The following CYBA variants were observed in gnomAD, a reference collection of about 807,000 sequenced individuals.
CYBA encodes the protein cytochrome b-245 light chain.
CYBA carries 21 observed loss-of-function variants against 20.8 expected under a neutral mutation model. The observed-to-expected ratio is 1.01, with a 90% CI of 0.72 to 1.46. The LOEUF (loss-of-function observed/expected upper bound fraction) is 1.46, where lower values mean the gene tolerates loss of function less well. Among genes scored for constraint, CYBA ranks in the 40% most tolerant of loss-of-function variants. CYBA has a pLI of 0.00. For missense variants in CYBA, 344 were observed against 287.0 expected (o/e 1.20, Z -1.43); for synonymous variants, 164 against 127.5 (o/e 1.29, Z -1.93).
At position 88,643,356 on chromosome 16, in the gene CYBA, C is replaced by T; in HGVS notation, c.585G>A (p.Val195=). The stretch of plus-strand genomic sequence containing the variant: ...GGAGGGCAGGTCCGGGGCGAGGTCA[C>T]ACGACCTCGTCGGTCACCGGGATGG... ...VNPIPVTDEV[V] The change falls in exon 6 of 6, where the codon GTG becomes GTA. Residue 195 remains valine, a synonymous_variant. Transcript: ENST00000261623. The surrounding 1 kb of genome is among the most constrained non-coding windows in gnomAD (Gnocchi z 4.3). The T allele has an allele frequency of 6.6e-7, 1 of 1,522,746 alleles. No individual in the cohort carries two copies. Among genetic ancestry groups the T allele is most frequent in the Non-Finnish European group, 8.8e-7 (1 of 1,137,504 alleles). 94.3% of individuals were successfully genotyped at this position (1,522,746 alleles called of 1,614,324 possible).
chr16:88,643,721 G>T lies in CYBA; in HGVS notation c.370-150C>A. 1.3e-6 allele frequency: 1 copy of T among 768,802 alleles called. No individual in the cohort carries two copies. Among genetic ancestry groups the T allele is most frequent in the Non-Finnish European group, 2.1e-6 (1 of 471,780 alleles). The allele number at this position is 768,802 out of a possible 1,614,324, so 47.6% of individuals were successfully genotyped here. A position where few individuals can be genotyped will look rare whatever the true frequency, so the allele number is the denominator to read the frequency against. On this transcript the variant is annotated intron_variant, in intron 5 of 5. Coordinates refer to ENST00000261623, the MANE Select transcript of CYBA (RefSeq NM_000101.4). This position sits in a 1 kb window ranked among gnomAD's most constrained non-coding sequence, Gnocchi z 4.3. ...TGTGACTGCCACTCAGAGAGGTTAA[G>T]TGACGCGCCCGAGGCCACACAGCCA...
rs765297587 is a variant in CYBA, at chr16:88,643,530, C to T, written c.411G>A (p.Lys137=). 2.6e-6 allele frequency: 4 copies of T among 1,535,272 alleles called. No individual in the cohort carries two copies. The highest frequency in any genetic ancestry group is 3.5e-6 in the Non-Finnish European group (4 of 1,146,862). ...CTCCGATCTGCGGCCGCTCCCGGGG[C>T]TTGGGCTCGATGGGCGTCCACTGCT... ...RGEQWTPIEP[K]PRERPQIGGT... The change falls in exon 6 of 6, where the codon AAG becomes AAA. Residue 137 remains lysine (K), a synonymous_variant. Transcript: ENST00000261623. This position sits in a 1 kb window ranked among gnomAD's most constrained non-coding sequence, Gnocchi z 4.3.
chr16:88,650,533 A>C, intron 1 of CYBA: 2 of 479,142 alleles, frequency 4.2e-6, no homozygotes, highest in East Asian at 6.2e-5. Context: ...AAGCCCAGGG[A>C]GAGCGACCTC....
At position 88,643,603 on chromosome 16, in the gene CYBA, C is replaced by T. The variant is rs1180044157; in HGVS notation, c.370-32G>A. On this transcript the variant is annotated intron_variant, in intron 5 of 5. Transcript: ENST00000261623. This position sits in a 1 kb window ranked among gnomAD's most constrained non-coding sequence, Gnocchi z 4.3. ...GGCACTGAAGGGTTGAGCCGCGCCC[C>T]AGCGCCCGCCCTCCCTCCCTCCCTC... The T allele has an allele frequency of 3.9e-5, 59 of 1,522,204 alleles. No individual in the cohort carries two copies. The highest frequency in any genetic ancestry group is 4.6e-4 in the Middle Eastern group (2 of 4,358). The allele number at this position is 1,522,204 out of a possible 1,614,324, so 94.3% of individuals were successfully genotyped here. A position where few individuals can be genotyped will look rare whatever the true frequency, so the allele number is the denominator to read the frequency against.
intron 1 of CYBA, among the ~76,000 whole-genome samples, chr16:88,648,742 T>C (rs1207726255): frequency 1.4e-4 from 19 of 139,124 alleles, no homozygotes; most frequent in East Asian, 7.1e-4. Flanking sequence ...CTCAGCCTCC[T>C]GAGTAGCTGG....
chr16:88,646,996 T>G, intron 3 of CYBA, 105 bp downstream of exon 3: 1 of 1,243,894 alleles, frequency 8.0e-7, no homozygotes, highest in South Asian at 1.2e-5. Context: ...CACCAAAGGG[T>G]TGGTTCCGGA....
At position 88,650,959 on chromosome 16, in the gene CYBA, G is replaced by T. The variant is rs1174051310; in HGVS notation, c.55C>A (p.Leu19Met). 6.3e-7 allele frequency: 1 copy of T among 1,592,420 alleles called. No homozygotes were observed. Among genetic ancestry groups the T allele is most frequent in the Admixed American group, 1.7e-5 (1 of 57,746 alleles). The part of the protein sequence containing the change: ...WANEQALASG[L>M]ILITGGIVAT... Reference sequence around the variant, plus strand: ...ACCGTCCCTGACGTGCACTCACTCAGGCCGGACGCCAGCGCCTGTTCGTTG... The same window carrying T: ...ACCGTCCCTGACGTGCACTCACTCATGCCGGACGCCAGCGCCTGTTCGTTG... Residue 19 changes from leucine to methionine, a missense_variant, in exon 1 of 6, where the codon CTG (leucine) becomes ATG (methionine). Physicochemically the swap from Leu to Met is conservative, Grantham distance 15. Transcript: ENST00000261623.
At position 88,643,527 on chromosome 16, in the gene CYBA, G is replaced by T. The variant is rs2142869927; in HGVS notation, c.414C>A (p.Pro138=). 1.3e-6 allele frequency: 2 copies of T among 1,535,180 alleles called. No homozygotes were observed. Among genetic ancestry groups the T allele is most frequent in the East Asian group, 4.9e-5 (2 of 40,958 alleles). ...GEQWTPIEPK[P]RERPQIGGTI... ...TGCCTCCGATCTGCGGCCGCTCCCG[G>T]GGCTTGGGCTCGATGGGCGTCCACT... The change falls in exon 6 of 6, where the codon CCC becomes CCA. Residue 138 remains proline, a synonymous_variant. Transcript: ENST00000261623. The surrounding 1 kb of genome is among the most constrained non-coding windows in gnomAD (Gnocchi z 4.3).
At chr16:88,647,482 G>C (rs1907332978) in intron 2 of CYBA, among the ~76,000 whole-genome samples, 1 of 152,232 alleles carries the variant, frequency 6.6e-6, no homozygotes, top group Non-Finnish European at 1.5e-5. Context: ...GCTGCCATGA[G>C]TCACAGCTGC....
intron 5 of CYBA, chr16:88,645,014 G>A (rs903455747): frequency 1.6e-6 from 1 of 619,522 alleles, no homozygotes. Context: ...CTAGTGCATG[G>A]TGGGAGAGAT....
intron 5 of CYBA, chr16:88,645,789 G>A (rs1444985352): frequency 1.5e-5 from 8 of 540,050 alleles, no homozygotes; most frequent in Admixed American, 9.6e-5. Flanking sequence ...GTCTTCGGCC[G>A]GCTGCGTGAC....
Position 88,650,857 on chromosome 16 carries a change from C to A in CYBA, c.58+99G>T, listed in dbSNP as rs377621096. 2.4e-5 allele frequency: 32 copies of A among 1,335,008 alleles called. 1 individual carries two copies. In the East Asian group the frequency reaches 7.3e-4, roughly 30 times the overall value. The allele number at this position is 1,335,008 out of a possible 1,614,324, so 82.7% of individuals were successfully genotyped here. A position where few individuals can be genotyped will look rare whatever the true frequency, so the allele number is the denominator to read the frequency against. ...CCCCGGCCCGGCCTGGCCCGCCTGG[C>A]GCCCCACTTCCCCACCCTGTAAGTA... On this transcript the variant is annotated intron_variant, in intron 1 of 5. Transcript: ENST00000261623.
rs750384376 is a variant in CYBA at position 88,651,046 on chromosome 16, C to A, written c.-33G>T. On this transcript the variant is annotated 5_prime_UTR_variant, in exon 1 of 6. Transcript: ENST00000261623. ...CGAACCCGGCTGGGACACTGCTAGGCGCGCACTGCCGCCCCTGCGCTCCCG... is the reference window on the plus strand; with the variant it reads ...CGAACCCGGCTGGGACACTGCTAGGAGCGCACTGCCGCCCCTGCGCTCCCG... The A allele has an allele frequency of 3.8e-6, 6 of 1,566,284 alleles. No individual in the cohort carries two copies. The highest frequency in any genetic ancestry group is 4.3e-6 in the Non-Finnish European group (5 of 1,159,526).
In CYBA at chr16:88,647,172, C is replaced by G; in HGVS notation, c.132G>C (p.Val44=). 1 of 1,612,226 alleles carries G rather than the reference C, an allele frequency of 6.2e-7. No individual in the cohort carries two copies. The highest frequency in any genetic ancestry group is 8.5e-7 in the Non-Finnish European group (1 of 1,179,906). Residue 44 remains valine (V), a synonymous_variant, in exon 3 of 6, where the codon GTG becomes GTC. Coordinates refer to ENST00000261623, the MANE Select transcript of CYBA (RefSeq NM_000101.4). ...TQWYFGAYSI[V]AGVFVCLLEY... is the part of the protein sequence containing the mutation. ...CCAGCAGGCACACAAACACGCCCGC[C>G]ACACTGAAGCCATGTGGTTAAGGAA...
In CYBA at chr16:88,643,343, C is replaced by T. The variant is rs549938071; in HGVS notation, c.*10G>A. The T allele has an allele frequency of 2.4e-5, 36 of 1,507,454 alleles. No homozygotes were observed. The highest frequency in any genetic ancestry group is 7.8e-5 in the East Asian group (3 of 38,448). The allele number at this position is 1,507,454 out of a possible 1,614,324, so 93.4% of individuals were successfully genotyped here. ...GGTGCACCTGGCGGGAGGGCAGGTC[C>T]GGGGCGAGGTCACACGACCTCGTCG... On this transcript the variant is annotated 3_prime_UTR_variant, in exon 6 of 6. Coordinates refer to ENST00000261623, the MANE Select transcript of CYBA (RefSeq NM_000101.4). This position sits in a 1 kb window ranked among gnomAD's most constrained non-coding sequence, Gnocchi z 4.3.
chr16:88,644,923 C>A, intron 5 of CYBA: 1 of 567,872 alleles, frequency 1.8e-6, no homozygotes, highest in South Asian at 2.2e-5. Context: ...TCCAACAGCT[C>A]AAATCCACAG....
At chr16:88,645,342 A>G (rs1484145928) in intron 5 of CYBA, 1 of 702,454 alleles carries the variant, frequency 1.4e-6, no homozygotes, top group East Asian at 2.7e-5. Flanking sequence ...GCGTACACAG[A>G]AAGTGCTGCA....
At chr16:88,645,095 G>C in intron 5 of CYBA, 1 of 688,838 alleles carries the variant, frequency 1.5e-6, no homozygotes, top group East Asian at 2.7e-5. Flanking sequence ...CGGTGCAGAG[G>C]CTGATGCCTG....
chr16:88,647,058 C>T, intron 3 of CYBA, 43 bp downstream of exon 3: 1 of 1,554,878 alleles, frequency 6.4e-7, no homozygotes, highest in Non-Finnish European at 8.8e-7. Context: ...CCTGCCTGGG[C>T]CCCGCAGCCC....
Sources: allele counts gnomAD v4.1 joint callset (sites outside exome capture counted in the v4.1 genomes callset), GRCh38; gene constraint gnomAD v4.1.1; non-coding constraint Gnocchi (gnomAD v3.1); transcripts MANE v1.5; gene names NCBI Gene and HGNC (gene_info 2026-07-23, HGNC 2026-07-21).